Variants in RFX3 observed in about 807,000 individuals in gnomAD.
RFX3 encodes regulatory factor X3.
In RFX3, 14 loss-of-function variants were observed where a neutral mutation model predicts 98.6. The ratio of observed to expected loss-of-function variants is 0.14; its 90% CI spans 0.09 to 0.22. The LOEUF (loss-of-function observed/expected upper bound fraction) is 0.22. RFX3 is among the 10% of genes least tolerant of loss of function. RFX3 has a pLI of 1.00. For synonymous variants in RFX3, 383 were observed against 328.4 expected, an observed-to-expected ratio of 1.17 and a Z score of -1.80; for missense variants, 639 against 926.9, an observed-to-expected ratio of 0.69 and a Z score of 4.03.
intron 1 of RFX3, among the ~76,000 whole-genome samples, chr9:3,432,676 G>A (rs544645439): frequency 1.3e-5 from 2 of 152,304 alleles, no homozygotes; most frequent in East Asian, 3.9e-4. Flanking sequence ...AACAGAATAT[G>A]ACTTGAATTC....
At chr9:3,512,428 T>C (rs1363330167) in intron 1 of RFX3, among the ~76,000 whole-genome samples, 1 of 151,938 alleles carries the variant, frequency 6.6e-6, no homozygotes, top group Non-Finnish European at 1.5e-5. Context: ...TGGTACACAG[T>C]TTTTTACTAT....
At chr9:3,438,192 A>T (rs1845319234) in intron 1 of RFX3, among the ~76,000 whole-genome samples, 1 of 152,128 alleles carries the variant, frequency 6.6e-6, no homozygotes, top group African/African-American at 2.4e-5. Flanking sequence ...GGTCATTCAA[A>T]ACCAACTACA....
intron 7 of RFX3, among the ~76,000 whole-genome samples, chr9:3,280,266 A>G (rs1825765132): frequency 6.6e-6 from 1 of 151,850 alleles, no homozygotes; most frequent in East Asian, 1.9e-4. Flanking sequence ...GAATGACATC[A>G]AGATGGTAAT....
chr9:3,229,371 G>A (rs1818190015), intron 15 of RFX3, among the ~76,000 whole-genome samples: 1 of 152,116 alleles, frequency 6.6e-6, no homozygotes, highest in African/African-American at 2.4e-5. Flanking sequence ...AGTAAAAAAG[G>A]AAAATAGAAA....
intron 1 of RFX3, among the ~76,000 whole-genome samples, chr9:3,420,448 A>G (rs1033600118): frequency 2.0e-5 from 3 of 152,220 alleles, no homozygotes; most frequent in African/African-American, 7.2e-5. Flanking sequence ...ATATTTTTAC[A>G]TACATTATTT....
chr9:3,468,815 G>GAAAAAA (rs34057815), intron 1 of RFX3, among the ~76,000 whole-genome samples: 4 of 84,268 alleles, frequency 4.7e-5, no homozygotes, highest in Admixed American at 2.4e-4. Flanking sequence ...TTTTCCTTTT[G>GAAAAAA]AAAAAAAAAA....
At chr9:3,385,290 A>T (rs1211241034) in intron 2 of RFX3, among the ~76,000 whole-genome samples, 1 of 152,196 alleles carries the variant, frequency 6.6e-6, no homozygotes, top group Non-Finnish European at 1.5e-5. Flanking sequence ...ACTAATGCTA[A>T]AATTGATAGT....
At chr9:3,463,693 G>A (rs1013342137) in intron 1 of RFX3, among the ~76,000 whole-genome samples, 3 of 152,062 alleles carry the variant, frequency 2.0e-5, no homozygotes, top group African/African-American at 7.2e-5. Flanking sequence ...ACTAGGGGCT[G>A]GGCACTGGGG....
chr9:3,504,941 TATA>T (rs1816734539), intron 1 of RFX3, among the ~76,000 whole-genome samples: 1 of 72,528 alleles, frequency 1.4e-5, no homozygotes, highest in Non-Finnish European at 2.2e-5. Flanking sequence ...ATATAATATA[TATA>T]ATATAATATA....
intron 2 of RFX3, among the ~76,000 whole-genome samples, chr9:3,351,328 T>C (rs897203984): frequency 1.3e-5 from 2 of 151,982 alleles, no homozygotes; most frequent in Non-Finnish European, 2.9e-5. Context: ...TATGTAAATA[T>C]ACAAACATAT....
intron 1 of RFX3, among the ~76,000 whole-genome samples, chr9:3,522,554 T>C (rs992920562): frequency 2.2e-5 from 3 of 136,082 alleles, no homozygotes; most frequent in Admixed American, 1.5e-4. Flanking sequence ...AAAGTGTGTG[T>C]GCGTGTGTGT....
At chr9:3,516,315 TG>T (rs1424279235) in intron 1 of RFX3, among the ~76,000 whole-genome samples, 1 of 152,204 alleles carries the variant, frequency 6.6e-6, no homozygotes, top group Non-Finnish European at 1.5e-5. Flanking sequence ...CCCAAAGTGC[TG>T]GGATTACAGG....
chr9:3,433,752 T>C (rs1231021916), intron 1 of RFX3, among the ~76,000 whole-genome samples: 1 of 152,214 alleles, frequency 6.6e-6, no homozygotes, highest in Non-Finnish European at 1.5e-5. Flanking sequence ...TCTGTCACGC[T>C]ACTTGTTTAC....
chr9:3,510,968 A>T (rs568310025), intron 1 of RFX3, among the ~76,000 whole-genome samples: 1 of 151,902 alleles, frequency 6.6e-6, no homozygotes, highest in Non-Finnish European at 1.5e-5. Flanking sequence ...AAATAAGATC[A>T]TTTAATTAGT....
In RFX3 at chr9:3,320,627, TAC is replaced by T. The variant is rs57819521; in HGVS notation, c.474+9630_474+9631del. ...GCACATAGTAATATGTGTTTCTATT[TAC>T]ACACACACACACTACTCTGCTTTTT... is the stretch of plus-strand genomic sequence containing the variant. On this transcript the variant is annotated intron_variant, in intron 4 of 16. Transcript: ENST00000617270. Among the ~76,000 whole-genome samples the T allele has an allele frequency of 8.8e-5, 13 of 147,360 alleles. No individual in the cohort carries two copies. The East Asian group carries it at 1.2e-3, about 13-fold the overall frequency.
intron 1 of RFX3, among the ~76,000 whole-genome samples, chr9:3,504,902 A>G (rs1217995779): frequency 7.5e-5 from 4 of 53,098 alleles, no homozygotes; most frequent in African/African-American, 1.2e-4. Context: ...AACATATATT[A>G]TATATATATA....
intron 13 of RFX3, among the ~76,000 whole-genome samples, chr9:3,258,325 T>C (rs1162840763): frequency 6.6e-6 from 1 of 152,130 alleles, no homozygotes; most frequent in Non-Finnish European, 1.5e-5. Context: ...CTATAGCTTC[T>C]TTTTCTATAT....
intron 15 of RFX3, among the ~76,000 whole-genome samples, chr9:3,245,336 T>C (rs990957803): frequency 4.6e-5 from 7 of 152,036 alleles, no homozygotes; most frequent in African/African-American, 1.7e-4. Context: ...AAAACCTTAG[T>C]GAATGAGAAC....
At chr9:3,345,814 T>C (rs1376160887) in intron 3 of RFX3, among the ~76,000 whole-genome samples, 1 of 152,198 alleles carries the variant, frequency 6.6e-6, no homozygotes, top group South Asian at 2.1e-4. Context: ...AAAAAAGTCC[T>C]GCCTCCATGG....
Sources: allele counts gnomAD v4.1 joint callset (sites outside exome capture counted in the v4.1 genomes callset), GRCh38; gene constraint gnomAD v4.1.1; transcripts MANE v1.5; gene names NCBI Gene and HGNC (gene_info 2026-07-23, HGNC 2026-07-21).